RHOBTB1: variants seen among roughly 807,000 people sequenced by gnomAD.
RHOBTB1 encodes the protein Rho related BTB domain containing 1.
In RHOBTB1, 40 loss-of-function variants were observed where a neutral mutation model predicts 71.6. That is an observed-to-expected ratio of 0.56 (90% CI 0.43 to 0.73). The LOEUF is 0.73. Among genes scored for constraint, RHOBTB1 ranks in the 30% least tolerant of loss-of-function variants. RHOBTB1 has a pLI of 0.00. For missense variants in RHOBTB1, 797 were observed against 894.0 expected (o/e 0.89, Z 1.38); for synonymous variants, 319 against 334.9 (o/e 0.95, Z 0.52).
chr10:60,924,199 T>C (rs186813458), intron 2 of RHOBTB1, among the ~76,000 whole-genome samples: 9 of 152,032 alleles, frequency 5.9e-5, no homozygotes, highest in Admixed American at 1.3e-4. Context: ...CCAAAACTAA[T>C]GGACACAAAC....
intron 8 of RHOBTB1, among the ~76,000 whole-genome samples, chr10:60,877,700 G>A (rs1025623825): frequency 6.6e-6 from 1 of 152,202 alleles, no homozygotes; most frequent in South Asian, 2.1e-4. Flanking sequence ...ACCTAACAGG[G>A]CCCACCACAG....
intron 6 of RHOBTB1, 86 bp downstream of exon 6, chr10:60,888,126 G>A (rs1371185016): frequency 7.7e-6 from 11 of 1,434,696 alleles, no homozygotes; most frequent in African/African-American, 5.7e-5. Context: ...GTTAGCTATC[G>A]TTCTTCTTTC....
chr10:60,927,788 T>A (rs1224729354), intron 2 of RHOBTB1, among the ~76,000 whole-genome samples: 1 of 152,104 alleles, frequency 6.6e-6, no homozygotes, highest in East Asian at 1.9e-4. Context: ...GGAAACACTC[T>A]AGGACATTGG....
At chr10:60,909,205 A>G (rs1289374987) in intron 4 of RHOBTB1, among the ~76,000 whole-genome samples, 3 of 152,228 alleles carry the variant, frequency 2.0e-5, no homozygotes, top group East Asian at 3.8e-4. Flanking sequence ...CTATGCAGGA[A>G]TCTCACAAGA....
chr10:60,943,730 G>A (rs750153655), intron 1 of RHOBTB1, among the ~76,000 whole-genome samples: 5 of 152,114 alleles, frequency 3.3e-5, no homozygotes, highest in Admixed American at 3.3e-4. Flanking sequence ...GGGTGCGGCT[G>A]TGCGGGCGCT....
rs191901969 is a variant in RHOBTB1 at position 60,911,250 on chromosome 10, T to A, written c.192+101A>T. 3.4e-5 allele frequency: 41 copies of A among 1,203,792 alleles called. No individual in the cohort carries two copies. The Admixed American group carries it at 8.9e-4, about 26-fold the overall frequency. 74.6% of individuals were successfully genotyped at this position (1,203,792 alleles called of 1,614,324 possible). On this transcript the variant is annotated intron_variant, in intron 3 of 10. Coordinates refer to ENST00000337910, the MANE Select transcript of RHOBTB1 (RefSeq NM_014836.5). ...TGGCACTAAAAAGGTTAGTTTTGTT[T>A]TGAATGTGTAATTTATCCACGCTCC...
chr10:60,967,508 C>T (rs746249294), intron 2 of RHOBTB1, among the ~76,000 whole-genome samples: 1 of 151,854 alleles, frequency 6.6e-6, no homozygotes, highest in Admixed American at 6.6e-5. Flanking sequence ...AAAAAACAGA[C>T]CGGCAGCTGA....
intron 1 of RHOBTB1, among the ~76,000 whole-genome samples, chr10:60,994,384 C>T (rs1406948916): frequency 6.6e-6 from 1 of 152,144 alleles, no homozygotes; most frequent in African/African-American, 2.4e-5. Context: ...GAGGAGGTGA[C>T]ATCTTATCTG....
chr10:60,944,938 G>A (rs2085158669), upstream of RHOBTB1, among the ~76,000 whole-genome samples: 1 of 152,192 alleles, frequency 6.6e-6, no homozygotes, highest in Non-Finnish European at 1.5e-5. Context: ...TGAGTGAGGA[G>A]GTGAAATTGA....
At position 60,915,816 on chromosome 10, in the gene RHOBTB1, C is replaced by G. The variant is rs141764595; in HGVS notation, c.-10-4264G>C. ...GGACTTCAAGCCACTCCTCCACACT[C>G]CCTGCCCACACAGCGTTCTTGGGCC... On this transcript the variant is annotated intron_variant, in intron 2 of 10. Coordinates refer to ENST00000337910, the MANE Select transcript of RHOBTB1 (RefSeq NM_014836.5). 1.1e-3 allele frequency among the ~76,000 whole-genome samples: 173 copies of G among 152,308 alleles called. No individual in the cohort carries two copies. The Middle Eastern group carries it at 0.017, about 15-fold the overall frequency.
At chr10:60,923,861 G>A (rs2083706069) in intron 2 of RHOBTB1, among the ~76,000 whole-genome samples, 1 of 152,150 alleles carries the variant, frequency 6.6e-6, no homozygotes, top group Admixed American at 6.5e-5. Flanking sequence ...CCATGATTGT[G>A]AGGCCTCCTC....
At chr10:60,920,247 A>C (rs1479944097) in intron 2 of RHOBTB1, among the ~76,000 whole-genome samples, 1 of 152,222 alleles carries the variant, frequency 6.6e-6, no homozygotes, top group Non-Finnish European at 1.5e-5. Context: ...GCGGTGGTTC[A>C]CAGTCAGGTG....
At chr10:60,882,994 T>C (rs2081395443) in intron 7 of RHOBTB1, among the ~76,000 whole-genome samples, 1 of 152,216 alleles carries the variant, frequency 6.6e-6, no homozygotes, top group Non-Finnish European at 1.5e-5. Context: ...AAGGTTTTCT[T>C]GTTATCCCCA....
chr10:60,886,065 C>A (rs371634988), intron 7 of RHOBTB1, 47 bp downstream of exon 7: 1 of 1,354,324 alleles, frequency 7.4e-7, no homozygotes, highest in Non-Finnish European at 1.1e-6. Context: ...TACACAGGCA[C>A]ACATACATTC....
At chr10:61,001,336 A>G (rs926270523) in intron 1 of RHOBTB1, 1 of 147,496 alleles carries the variant, frequency 6.8e-6, no homozygotes. Context: ...AATCCCGCCC[A>G]CCCTGGCGCG....
intron 1 of RHOBTB1, among the ~76,000 whole-genome samples, chr10:60,989,050 G>C (rs1481500290): frequency 2.0e-5 from 3 of 152,032 alleles, no homozygotes; most frequent in Non-Finnish European, 4.4e-5. Flanking sequence ...GGAGATTAAA[G>C]GATTTTTTTC....
intron 1 of RHOBTB1, among the ~76,000 whole-genome samples, chr10:60,991,922 A>G (rs2086885035): frequency 6.6e-6 from 1 of 152,010 alleles, no homozygotes; most frequent in South Asian, 2.1e-4. Context: ...TCATTCTTTT[A>G]TTGTCTGTCT....
At chr10:60,975,245 A>C (rs754947760) in intron 2 of RHOBTB1, among the ~76,000 whole-genome samples, 2 of 152,014 alleles carry the variant, frequency 1.3e-5, no homozygotes, top group Non-Finnish European at 2.9e-5. Flanking sequence ...AATTCGTCAG[A>C]ATGTGTAAAT....
rs1276191921 is a variant in RHOBTB1, at chr10:60,886,198, T to G, written c.1489A>C (p.Ser497Arg). Residue 497 changes from serine to arginine, a missense_variant, in exon 7 of 11, where the codon AGT (serine) becomes CGT (arginine). Physicochemically the swap from Ser to Arg is moderately radical, Grantham distance 110. Coordinates refer to ENST00000337910, the MANE Select transcript of RHOBTB1 (RefSeq NM_014836.5). ...VTFKLDDGAI[S>R]AHKPLLICSC... ...CAGATCAGCAGCGGCTTGTGGGCAC[T>G]GATGGCTCCATCGTCCAATTTAAAT... The G allele has an allele frequency of 6.2e-7, 1 of 1,613,974 alleles. No homozygotes were observed. The highest frequency in any genetic ancestry group is 8.5e-7 in the Non-Finnish European group (1 of 1,179,968).
Sources: gnomAD v4.1 joint callset for allele counts (sites outside exome capture counted in the v4.1 genomes callset) on GRCh38, gnomAD v4.1.1 for gene constraint, MANE v1.5 for transcripts, NCBI Gene and HGNC (gene_info 2026-07-23, HGNC 2026-07-21) for gene names.